The following ESYT2 variants were observed in gnomAD, a reference collection of about 807,000 sequenced individuals.
ESYT2 encodes the protein extended synaptotagmin 2, also known as extended synaptotagmin-2.
In ESYT2, 54 loss-of-function variants were observed where a neutral mutation model predicts 107.2. That is an observed-to-expected ratio of 0.50 (90% CI 0.40 to 0.63). The LOEUF (loss-of-function observed/expected upper bound fraction) is 0.63, where lower values mean the gene tolerates loss of function less well. Ranked by LOEUF, ESYT2 falls within the 30% of genes least tolerant of loss-of-function variation. ESYT2 has a pLI of 0.00. For missense variants in ESYT2, 1,020 were observed against 1,094.5 expected, an observed-to-expected ratio of 0.93 and a Z score of 0.96; for synonymous variants, 491 against 434.1, an observed-to-expected ratio of 1.13 and a Z score of -1.63.
intron 6 of ESYT2, among the ~76,000 whole-genome samples, chr7:158,775,892 C>T (rs1302963905): frequency 6.6e-6 from 1 of 152,140 alleles, no homozygotes; most frequent in Non-Finnish European, 1.5e-5. Flanking sequence ...TGGCAGCTAT[C>T]GTCTTACAAA....
At chr7:158,745,659 ATGGAATGAAAT>A (rs1254945981) in intron 16 of ESYT2, among the ~76,000 whole-genome samples, 1 of 151,914 alleles carries the variant, frequency 6.6e-6, no homozygotes, top group Non-Finnish European at 1.5e-5. Context: ...TCTGACCACT[ATGGAATGAAAT>A]TGGAATCAAT....
In ESYT2 at chr7:158,788,111, A is replaced by G. The variant is rs1416283282; in HGVS notation, c.658-18T>C. The G allele has an allele frequency of 6.2e-7, 1 of 1,601,668 alleles. No homozygotes were observed. The highest frequency in any genetic ancestry group is 8.6e-7 in the Non-Finnish European group (1 of 1,169,026). ...CCATGAATCTAAACTCAAACAGGAAACCAAAATATGTAATAGAAAACATTC... is the reference window on the plus strand; with the variant it reads ...CCATGAATCTAAACTCAAACAGGAAGCCAAAATATGTAATAGAAAACATTC... On this transcript the variant is annotated intron_variant, in intron 5 of 22. Transcript: ENST00000275418.
Position 158,781,599 on chromosome 7 carries a change from CCGAGAA to C in ESYT2, c.747+6399_747+6404del, listed in dbSNP as rs1379400094. On this transcript the variant is annotated intron_variant, in intron 6 of 22. Coordinates refer to ENST00000275418, the MANE Select transcript of ESYT2 (RefSeq NM_001367773.1). ...AAGTGTGAGAGGTTTGAGTATAAGA[CCGAGAA>C]CAAGTGTGAATGAACGAGTGTGAGA... 1.1e-4 allele frequency among the ~76,000 whole-genome samples: 15 copies of C among 136,590 alleles called. No homozygotes were observed. In the East Asian group the frequency reaches 1.1e-3, roughly 10 times the overall value. The allele number at this position is 136,590 out of a possible 152,430, so 89.6% of individuals were successfully genotyped here.
intron 10 of ESYT2, 34 bp from the exon 11 acceptor site, chr7:158,761,578 TAG>T (rs1329990968): frequency 6.4e-7 from 1 of 1,567,914 alleles, no homozygotes; most frequent in Admixed American, 1.7e-5. Context: ...CTTTAGAACA[TAG>T]AAACACATTT....
At chr7:158,821,888 T>G (rs983785128) in intron 1 of ESYT2, among the ~76,000 whole-genome samples, 7 of 152,106 alleles carry the variant, frequency 4.6e-5, no homozygotes. Flanking sequence ...GAGTAGAATC[T>G]CTTCCCTAGC....
At chr7:158,768,840 G>C (rs1212047261) in intron 7 of ESYT2, among the ~76,000 whole-genome samples, 2 of 152,224 alleles carry the variant, frequency 1.3e-5, no homozygotes, top group Non-Finnish European at 2.9e-5. Context: ...ACTAGCCTGG[G>C]CAACACAGAG....
chr7:158,829,493 C>G lies in ESYT2; in HGVS notation c.-75G>C. The stretch of plus-strand genomic sequence containing the variant: ...GCGCTGATCCCGGGCGGCTCAGCCC[C>G]GCGCCAGCGCCCCTCTGAGGGGACG... On this transcript the variant is annotated 5_prime_UTR_variant, in exon 1 of 23. Transcript: ENST00000275418. 1.6e-6 allele frequency: 2 copies of G among 1,235,980 alleles called. No individual in the cohort carries two copies. Among genetic ancestry groups the G allele is most frequent in the Non-Finnish European group, 2.0e-6 (2 of 989,614 alleles). 76.6% of individuals were successfully genotyped at this position (1,235,980 alleles called of 1,614,324 possible).
rs1482880470 is a variant in ESYT2 at position 158,734,461 on chromosome 7, G to A, written c.2516C>T (p.Ala839Val). The A allele has an allele frequency of 8.1e-6, 13 of 1,613,738 alleles. No individual in the cohort carries two copies. The highest frequency in any genetic ancestry group is 1.3e-5 in the African/African-American group (1 of 74,936). The change falls in exon 22 of 23, where the codon GCT becomes GTT. Residue 839 changes from alanine (A) to valine (V), a missense_variant. Ala to Val is a moderately conservative substitution (Grantham distance 64). Coordinates refer to ENST00000275418, the MANE Select transcript of ESYT2 (RefSeq NM_001367773.1). ...TTTGGCAAGTTCTTCAGATGCCAGA[G>A]CAACCAATACCTGTGGGTTGTTAAA... ...DKGLLGKVLV[A>V]LASEELAKGW...
chr7:158,777,680 G>A (rs1349501947), intron 6 of ESYT2, among the ~76,000 whole-genome samples: 10 of 152,046 alleles, frequency 6.6e-5, no homozygotes, highest in Admixed American at 6.6e-4. Context: ...CCAGTCTCAG[G>A]TAGTATCTTT....
At chr7:158,750,310 G>GA (rs983626265) in intron 14 of ESYT2, among the ~76,000 whole-genome samples, 5 of 151,976 alleles carry the variant, frequency 3.3e-5, no homozygotes, top group Non-Finnish European at 7.4e-5. Context: ...TAAATATGAA[G>GA]AAAAAATTCA....
chr7:158,771,657 T>C (rs1228689200), intron 7 of ESYT2, among the ~76,000 whole-genome samples: 2 of 152,174 alleles, frequency 1.3e-5, no homozygotes, highest in African/African-American at 4.8e-5. Context: ...AGAGCCCTTA[T>C]GGTGCCCAAC....
intron 19 of ESYT2, among the ~76,000 whole-genome samples, chr7:158,737,451 C>T (rs1335627385): frequency 6.6e-6 from 1 of 152,146 alleles, no homozygotes; most frequent in East Asian, 1.9e-4. Flanking sequence ...TTGGTCTCTG[C>T]TTGTAACAGA....
rs191874568 is a variant in ESYT2 at position 158,742,937 on chromosome 7, T to C, written c.1794+592A>G. Among the ~76,000 whole-genome samples, 26 of 152,312 alleles carry C rather than the reference T, an allele frequency of 1.7e-4. No homozygotes were observed. The East Asian group carries it at 4.8e-3, about 28-fold the overall frequency. ...TGCCGGGGCAAGGAGGCTGTTCCCA[T>C]TGCCCCCTCAATAGAAGACATTTGT... On this transcript the variant is annotated intron_variant, in intron 17 of 22. Transcript: ENST00000275418.
chr7:158,784,949 G>A (rs1054152953), intron 6 of ESYT2, among the ~76,000 whole-genome samples: 4 of 152,136 alleles, frequency 2.6e-5, no homozygotes, highest in South Asian at 2.1e-4. Context: ...AAAGACCTCC[G>A]GGATCCCCTC....
chr7:158,756,696 A>G (rs1365863685), intron 13 of ESYT2, among the ~76,000 whole-genome samples: 1 of 151,902 alleles, frequency 6.6e-6, no homozygotes, highest in African/African-American at 2.4e-5. Flanking sequence ...ACTGCCTGAG[A>G]TCAGGAGTTG....
chr7:158,782,319 CGAGT>C (rs1396629214), intron 6 of ESYT2, among the ~76,000 whole-genome samples: 4 of 144,076 alleles, frequency 2.8e-5, no homozygotes, highest in South Asian at 2.2e-4. Flanking sequence ...TGTGAGTGAA[CGAGT>C]GTGAGAACAG....
chr7:158,792,764 GTTTTTTT>G (rs35348712), intron 4 of ESYT2, among the ~76,000 whole-genome samples: 2 of 117,782 alleles, frequency 1.7e-5, no homozygotes, highest in South Asian at 3.1e-4. Flanking sequence ...ATAACGTGGG[GTTTTTTT>G]TTTTTTTTTT....
At chr7:158,785,785 T>G (rs181601872) in intron 6 of ESYT2, among the ~76,000 whole-genome samples, 6 of 152,320 alleles carry the variant, frequency 3.9e-5, no homozygotes, top group Admixed American at 1.3e-4. Context: ...ACACTCCAAC[T>G]TCGTCACCTC....
At chr7:158,815,054 C>A (rs1563039206) in intron 1 of ESYT2, among the ~76,000 whole-genome samples, 1 of 152,140 alleles carries the variant, frequency 6.6e-6, no homozygotes, top group Non-Finnish European at 1.5e-5. Flanking sequence ...ACAAAGGTGG[C>A]GGGTTAGCTG....
Sources: gnomAD v4.1 joint callset for allele counts (sites outside exome capture counted in the v4.1 genomes callset) on GRCh38, gnomAD v4.1.1 for gene constraint, MANE v1.5 for transcripts, NCBI Gene and HGNC (gene_info 2026-07-23, HGNC 2026-07-21) for gene names.